APOL5: variants seen among roughly 807,000 people sequenced by gnomAD.
The protein encoded by APOL5 is apolipoprotein L5.
APOL5 carries 29 observed loss-of-function variants against 35.5 expected under a neutral mutation model. The ratio of observed to expected loss-of-function variants is 0.82; its 90% CI spans 0.61 to 1.11. The LOEUF (loss-of-function observed/expected upper bound fraction) is 1.11, where lower values mean the gene tolerates loss of function less well. Ranked by LOEUF, APOL5 falls within the 50% of genes most tolerant of loss-of-function variation. The probability of loss-of-function intolerance (pLI) is 0.00; values close to 1 mark genes in which losing one functional copy is unlikely to be tolerated. For missense variants in APOL5, 514 were observed against 530.4 expected, an observed-to-expected ratio of 0.97 and a Z score of 0.30; for synonymous variants, 188 against 200.2, an observed-to-expected ratio of 0.94 and a Z score of 0.51.
At chr22:35,717,723 A>G (rs1601893718), upstream of APOL5, 2 of 439,144 alleles carry the variant, frequency 4.6e-6, no homozygotes, top group African/African-American at 2.4e-5. Flanking sequence ...TGGGCAGCAG[A>G]GAGAAGCTCC....
rs1927258446 is a variant in APOL5 at position 35,728,580 on chromosome 22, C to A, written c.1127-143C>A. The stretch of plus-strand genomic sequence containing the variant: ...TTCTGCGGTGCCGCCAAGTTTGGGA[C>A]CCACTGCCCTGGGGCGGGAGGGGTT... On this transcript the variant is annotated intron_variant, in intron 3 of 4. Coordinates refer to ENST00000249044, the MANE Select transcript of APOL5 (RefSeq NM_030642.1). The A allele has an allele frequency of 2.2e-5, 20 of 904,766 alleles. No homozygotes were observed. In the East Asian group the frequency reaches 5.6e-4, roughly 25 times the overall value. The allele number at this position is 904,766 out of a possible 1,614,324, so 56.0% of individuals were successfully genotyped here.
intron 2 of APOL5, 31 bp downstream of exon 2, chr22:35,720,685 T>C (rs374963485): frequency 1.0e-4 from 150 of 1,460,554 alleles, no homozygotes; most frequent in Non-Finnish European, 1.3e-4. Context: ...GTTATGCTTA[T>C]GGCCACAATC....
intron 1 of APOL5, among the ~76,000 whole-genome samples, chr22:35,718,990 C>T (rs5755926): frequency 0.67 from 101,476 of 151,018 alleles, 34,580 homozygotes; most frequent in African/African-American, 0.76. Flanking sequence ...ACCCAGGAGG[C>T]GCAGGTTGCA....
In APOL5 at chr22:35,726,556, C is replaced by A; in HGVS notation, c.488C>A (p.Ala163Glu). The A allele has an allele frequency of 1.9e-6, 3 of 1,614,150 alleles. No individual in the cohort carries two copies. The highest frequency in any genetic ancestry group is 2.5e-6 in the Non-Finnish European group (3 of 1,180,018). ...ILGLALAPVT[A>E]GGSLMLSATG... ...GGTTTGGCCCTAGCACCTGTGACAG[C>A]AGGAGGCAGTCTCATGCTCTCAGCA... The change falls in exon 3 of 5, where the codon GCA (alanine) becomes GAA (glutamate). Residue 163 changes from alanine to glutamate, a missense_variant. Around this residue, in one of 3 missense-constraint regions of APOL5, gnomAD observed 254 missense variants for 254.7 expected, o/e 1.00. Transcript: ENST00000249044.
chr22:35,727,112 G>A lies in APOL5; in HGVS notation c.1044G>A (p.Arg348=), dbSNP rs1272758526. 2 of 1,609,900 alleles carry A rather than the reference G, an allele frequency of 1.2e-6. No individual in the cohort carries two copies. The highest frequency in any genetic ancestry group is 1.1e-5 in the South Asian group (1 of 91,042). Residue 348 remains arginine (R), a synonymous_variant, in exon 3 of 5, where the codon CGG becomes CGA. Coordinates refer to ENST00000249044, the MANE Select transcript of APOL5 (RefSeq NM_030642.1). ...QELDRLTQHH[R]HLPQKASQTC... ...TGGACCGGCTCACCCAGCACCACCG[G>A]CACCTGCCGCAGAAGGCGAGCCAGA...
At chr22:35,717,235 A>AAAAAAAATATATAT, upstream of APOL5, among the ~76,000 whole-genome samples, 2 of 57,664 alleles carry the variant, frequency 3.5e-5, no homozygotes, top group African/African-American at 1.6e-4. Context: ...AAAAAAAAAA[A>AAAAAAAATATATAT]ATATATATAT....
At chr22:35,715,577 C>A, upstream of APOL5, among the ~76,000 whole-genome samples, 1 of 152,114 alleles carries the variant, frequency 6.6e-6, no homozygotes, top group South Asian at 2.1e-4. Flanking sequence ...ACAAGGGAGG[C>A]AGAGGTTGCA....
chr22:35,727,195 G>T lies in APOL5; in HGVS notation c.1126+1G>T. The T allele has an allele frequency of 6.3e-7, 1 of 1,594,122 alleles. No individual in the cohort carries two copies. The highest frequency in any genetic ancestry group is 2.2e-5 in the East Asian group (1 of 44,720). ...GGATCCCGTGTGGTTAAACCAGAAG[G>T]TAGGAAGGCAGCGAATAACACGGAC... On this transcript the variant is annotated splice_donor_variant, in intron 3 of 4. Transcript: ENST00000249044. LOFTEE classifies it high-confidence loss of function.
upstream of APOL5, among the ~76,000 whole-genome samples, chr22:35,717,189 T>C (rs5750161): frequency 0.7 from 91,690 of 131,298 alleles, 32,772 homozygotes; most frequent in African/African-American, 0.82. Context: ...AGTTAGAGAT[T>C]AGCCTGGGCA....
At chr22:35,717,235 A>ATATATATATATATATATAT (rs1555930035), upstream of APOL5, among the ~76,000 whole-genome samples, 20 of 57,660 alleles carry the variant, frequency 3.5e-4, no homozygotes, top group African/African-American at 1.6e-3. Context: ...AAAAAAAAAA[A>ATATATATATATATATATAT]ATATATATAT....
chr22:35,728,604 T>C lies in APOL5; in HGVS notation c.1127-119T>C. 3 of 1,168,708 alleles carry C rather than the reference T, an allele frequency of 2.6e-6. No homozygotes were observed. The South Asian group carries it at 4.9e-5, about 19-fold the overall frequency. 72.4% of individuals were successfully genotyped at this position (1,168,708 alleles called of 1,614,324 possible). A position where few individuals can be genotyped will look rare whatever the true frequency, so the allele number is the denominator to read the frequency against. On this transcript the variant is annotated intron_variant, in intron 3 of 4. Transcript: ENST00000249044. ...ACCCACTGCCCTGGGGCGGGAGGGG[T>C]TTTCTTCTTCTCAAAGCCAATAGAA... is the stretch of plus-strand genomic sequence containing the variant.
intron 2 of APOL5, among the ~76,000 whole-genome samples, chr22:35,722,585 G>A (rs772341723): frequency 1.3e-5 from 2 of 152,224 alleles, no homozygotes; most frequent in Non-Finnish European, 2.9e-5. Context: ...ACAGGCATGA[G>A]CCACTGCGCC....
At chr22:35,722,226 A>G (rs1221790603) in intron 2 of APOL5, among the ~76,000 whole-genome samples, 2 of 152,196 alleles carry the variant, frequency 1.3e-5, no homozygotes, top group Admixed American at 6.5e-5. Flanking sequence ...GTGCTTGTAC[A>G]ATGTTAACCT....
At chr22:35,711,479 G>C in the APOL5 span, among the ~76,000 whole-genome samples, 1 of 152,054 alleles carries the variant, frequency 6.6e-6, no homozygotes, top group East Asian at 1.9e-4. Flanking sequence ...TTTTACACAA[G>C]GTGAAAAACG....
chr22:35,727,079 G>T lies in APOL5; in HGVS notation c.1011G>T (p.Glu337Asp). Residue 337 changes from glutamate to aspartate, a missense_variant, in exon 3 of 5, where the codon GAG (glutamate) becomes GAT (aspartate). Glu to Asp is a conservative substitution (Grantham distance 45). Around this residue, in one of 3 missense-constraint regions of APOL5, gnomAD observed 238 missense variants for 229.1 expected, o/e 1.04. Transcript: ENST00000249044. ...EELRALAKKL[E>D]QELDRLTQHH... ...TGAGAGCACTTGCTAAGAAGCTGGA[G>T]CAGGAGCTGGACCGGCTCACCCAGC... The T allele has an allele frequency of 6.2e-7, 1 of 1,613,042 alleles. No individual in the cohort carries two copies.
At chr22:35,724,756 G>A (rs531560717) in intron 2 of APOL5, among the ~76,000 whole-genome samples, 4 of 151,914 alleles carry the variant, frequency 2.6e-5, no homozygotes, top group African/African-American at 4.8e-5. Context: ...GACTACAGGC[G>A]CCCACTACCG....
upstream of APOL5, among the ~76,000 whole-genome samples, chr22:35,714,047 C>A (rs1019397371): frequency 6.6e-6 from 1 of 152,150 alleles, no homozygotes; most frequent in Admixed American, 6.5e-5. Context: ...CGCGGTGGCT[C>A]AAGCCTGTAA....
chr22:35,717,980 TC>T, intron 1 of APOL5, 54 bp downstream of exon 1: 1 of 1,431,926 alleles, frequency 7.0e-7, no homozygotes, highest in Non-Finnish European at 9.4e-7. Context: ...GTACAAATTG[TC>T]CCAGAAATAG....
intron 2 of APOL5, among the ~76,000 whole-genome samples, chr22:35,724,670 G>A (rs1207179583): frequency 6.6e-6 from 1 of 151,872 alleles, no homozygotes. Context: ...GTGCTATGGC[G>A]CGATCTCGGC....
Sources: gnomAD v4.1 joint callset for allele counts (sites outside exome capture counted in the v4.1 genomes callset) on GRCh38, gnomAD v4.1.1 for gene constraint, gnomAD v4.1.1 regional missense constraint, MANE v1.5 for transcripts, NCBI Gene and HGNC (gene_info 2026-07-23, HGNC 2026-07-21) for gene names.